The following ZNF584 variants were observed in gnomAD, a reference collection of about 807,000 sequenced individuals.
ZNF584 encodes the protein zinc finger protein 584.
A neutral mutation model predicts 14.7 loss-of-function variants in ZNF584; 12 were observed. That is an observed-to-expected ratio of 0.82 (90% CI 0.52 to 1.32). ZNF584 has a LOEUF of 1.32. Ranked by LOEUF, ZNF584 falls within the 40% of genes most tolerant of loss-of-function variation. ZNF584 has a pLI of 0.00. For missense variants in ZNF584, 478 were observed against 518.8 expected (o/e 0.92, Z 0.76); for synonymous variants, 204 against 190.9 (o/e 1.07, Z -0.57).
Position 58,408,928 on chromosome 19 carries a change from C to CA in ZNF584, c.-219dup. On this transcript the variant is annotated 5_prime_UTR_variant, in exon 1 of 4. Transcript: ENST00000306910. ...CACCGGCGAGTGGCTCCATCTTCCT[C>CA]AGACTTATCGCTCGCGGACAGGCGC... The CA allele has an allele frequency of 2.0e-6, 1 of 489,590 alleles. No homozygotes were observed. The highest frequency in any genetic ancestry group is 3.5e-6 in the Non-Finnish European group (1 of 283,086). 30.3% of individuals were successfully genotyped at this position (489,590 alleles called of 1,614,324 possible). A position where few individuals can be genotyped will look rare whatever the true frequency, so the allele number is the denominator to read the frequency against.
Position 58,417,771 on chromosome 19 carries a change from T to C in ZNF584, c.1253T>C (p.Val418Ala). The C allele has an allele frequency of 6.2e-7, 1 of 1,605,710 alleles. No individual in the cohort carries two copies. The highest frequency in any genetic ancestry group is 8.5e-7 in the Non-Finnish European group (1 of 1,175,378). ...RRQEDRAHGKVVSC is the reference protein window; with the variant it reads ...RRQEDRAHGKAVSC ...CAGGAGGACAGGGCACATGGGAAGG[T>C]CGTTAGCTGCTAGCACCGTGTTCAT... Residue 418 changes from valine to alanine, a missense_variant, in exon 4 of 4, where the codon GTC (valine) becomes GCC (alanine). By Grantham distance (64) the Val-to-Ala change is moderately conservative. Coordinates refer to ENST00000306910, the MANE Select transcript of ZNF584 (RefSeq NM_173548.3).
chr19:58,401,693 G>A (rs1389227952), intron 1 of ZNF584: 5 of 150,748 alleles, frequency 3.3e-5, no homozygotes, highest in Non-Finnish European at 1.5e-5. Context: ...CAGTCCCTTC[G>A]AGCGCCCTCA....
chr19:58,410,778 A>ATTT (rs869150389), intron 2 of ZNF584, among the ~76,000 whole-genome samples: 363 of 8,936 alleles, frequency 0.041, 156 homozygotes, highest in Non-Finnish European at 0.045. Flanking sequence ...TATATATATA[A>ATTT]TTTTTTTTTT....
Position 58,410,542 on chromosome 19 carries a change from T to TTTTTTTTTTTTTTTTTTTTTTTTTAG in ZNF584, c.169+451_169+452insTTTTTTTTTTTTTTTTTTTTTTTTAG, listed in dbSNP as rs1568584343. On this transcript the variant is annotated intron_variant, in intron 2 of 3. Transcript: ENST00000306910. ...AAATATATATATATATATATATATATATATATATATATATATGTGTATATA... is the reference window on the plus strand; with the variant it reads ...AAATATATATATATATATATATATATTTTTTTTTTTTTTTTTTTTTTTTTAGATATATATATATATATGTGTATATA... 3.9e-4 allele frequency among the ~76,000 whole-genome samples: 6 copies of TTTTTTTTTTTTTTTTTTTTTTTTTAG among 15,382 alleles called. 2 individuals carry two copies. Among genetic ancestry groups the TTTTTTTTTTTTTTTTTTTTTTTTTAG allele is most frequent in the Admixed American group, 6.8e-4 (1 of 1,470 alleles). 10.1% of individuals were successfully genotyped at this position (15,382 alleles called of 152,430 possible). A position where few individuals can be genotyped will look rare whatever the true frequency, so the allele number is the denominator to read the frequency against.
chr19:58,417,618 C>T lies in ZNF584; in HGVS notation c.1100C>T (p.Ser367Phe), dbSNP rs916596329. 6.2e-7 allele frequency: 1 copy of T among 1,614,040 alleles called. No homozygotes were observed. Among genetic ancestry groups the T allele is most frequent in the Admixed American group, 1.7e-5 (1 of 59,994 alleles). ...TGTGGGAAAACCTTCACTACCAGAT[C>T]CTACCGCAATCGGCACCAGCAGTTC... ...SLCGKTFTTR[S>F]YRNRHQQFHT... Residue 367 changes from serine (S) to phenylalanine (F), a missense_variant, in exon 4 of 4, where the codon TCC (serine) becomes TTC (phenylalanine). Coordinates refer to ENST00000306910, the MANE Select transcript of ZNF584 (RefSeq NM_173548.3).
chr19:58,413,150 A>G (rs2052597281), intron 2 of ZNF584, among the ~76,000 whole-genome samples: 1 of 151,614 alleles, frequency 6.6e-6, no homozygotes, highest in African/African-American at 2.4e-5. Flanking sequence ...TTCTGCTCTA[A>G]TTTTTATTAT....
chr19:58,415,011 G>C (rs572288836), intron 2 of ZNF584, among the ~76,000 whole-genome samples: 78 of 152,048 alleles, frequency 5.1e-4, no homozygotes, highest in African/African-American at 1.8e-3. Context: ...TCCTGCCTAA[G>C]CCTCCCGAGT....
In ZNF584 at chr19:58,410,561, G is replaced by GTGTA. The variant is rs1555785552; in HGVS notation, c.169+471_169+472insGTAT. Among the ~76,000 whole-genome samples, 2 of 20,450 alleles carry GTGTA rather than the reference G, an allele frequency of 9.8e-5. 1 individual carries two copies. Among genetic ancestry groups the GTGTA allele is most frequent in the Admixed American group, 8.8e-4 (2 of 2,260 alleles). 13.4% of individuals were successfully genotyped at this position (20,450 alleles called of 152,430 possible). ...TATATATATATATATATATATATGT[G>GTGTA]TATATATATATGTATATATATGTAT... is the stretch of plus-strand genomic sequence containing the variant. On this transcript the variant is annotated intron_variant, in intron 2 of 3. Transcript: ENST00000306910.
At chr19:58,403,005 G>A (rs907178983) in intron 1 of ZNF584, among the ~76,000 whole-genome samples, 1 of 152,116 alleles carries the variant, frequency 6.6e-6, no homozygotes, top group African/African-American at 2.4e-5. Context: ...TGGCTACAAT[G>A]CAAAACACTG....
chr19:58,414,407 C>T (rs960180963), intron 2 of ZNF584, among the ~76,000 whole-genome samples: 9 of 151,956 alleles, frequency 5.9e-5, no homozygotes, highest in African/African-American at 1.5e-4. Flanking sequence ...GGCGCGATCT[C>T]AGCTCACTGC....
chr19:58,405,145 A>G (rs1280401219), upstream of ZNF584: 1 of 138,994 alleles, frequency 7.2e-6, no homozygotes, highest in African/African-American at 2.8e-5. Flanking sequence ...CACCTCCCGG[A>G]CGGGGCGGCT....
intron 2 of ZNF584, among the ~76,000 whole-genome samples, chr19:58,410,777 AATTTTTT>A (rs1246207330): frequency 2.5e-4 from 2 of 8,078 alleles, no homozygotes; most frequent in Admixed American, 9.9e-4. Flanking sequence ...ATATATATAT[AATTTTTT>A]TTTTTTTTTT....
chr19:58,410,193 C>T, intron 2 of ZNF584, 102 bp downstream of exon 2: 1 of 1,406,100 alleles, frequency 7.1e-7, no homozygotes, highest in Non-Finnish European at 9.5e-7. Flanking sequence ...CTCTTTCCTT[C>T]CCAGATTCCC....
chr19:58,410,567 A>T (rs1389489978), intron 2 of ZNF584, among the ~76,000 whole-genome samples: 1 of 6,476 alleles, frequency 1.5e-4, no homozygotes, highest in African/African-American at 8.1e-4. Flanking sequence ...ATGTGTATAT[A>T]TATATGTATA....
At chr19:58,402,474 A>C (rs775914239) in intron 1 of ZNF584, among the ~76,000 whole-genome samples, 1 of 152,248 alleles carries the variant, frequency 6.6e-6, no homozygotes, top group Non-Finnish European at 1.5e-5. Flanking sequence ...CTTTCAAAAC[A>C]TAACAGATTT....
Position 58,417,143 on chromosome 19 carries a change from A to C in ZNF584, c.625A>C (p.Thr209Pro). The C allele has an allele frequency of 2.5e-6, 4 of 1,613,746 alleles. No homozygotes were observed. Among genetic ancestry groups the C allele is most frequent in the Non-Finnish European group, 3.4e-6 (4 of 1,179,702 alleles). Residue 209 changes from threonine (T) to proline (P), a missense_variant, in exon 4 of 4, where the codon ACT (threonine) becomes CCT (proline). Thr to Pro is a conservative substitution (Grantham distance 38). Transcript: ENST00000306910. ...SAHINPRKIHTGETAHVCNEC... is the reference protein window; with the variant it reads ...SAHINPRKIHPGETAHVCNEC... Reference sequence around the variant, plus strand: ...TCATATTAACCCCCGAAAAATTCACACTGGAGAAACAGCCCATGTGTGTAA... The same window carrying C: ...TCATATTAACCCCCGAAAAATTCACCCTGGAGAAACAGCCCATGTGTGTAA...
chr19:58,416,733 G>C, intron 3 of ZNF584, 78 bp from the exon 4 acceptor site: 4 of 1,493,464 alleles, frequency 2.7e-6, no homozygotes, highest in Non-Finnish European at 3.6e-6. Context: ...CCTTCTGGGT[G>C]TGTCTGACAT....
intron 1 of ZNF584, among the ~76,000 whole-genome samples, chr19:58,402,806 A>G (rs2052440093): frequency 1.4e-5 from 2 of 146,940 alleles, no homozygotes; most frequent in Admixed American, 1.4e-4. Context: ...CCTGGGCAAC[A>G]AGAGCGAAAC....
upstream of ZNF584, chr19:58,408,577 C>T (rs1014565007): frequency 6.6e-6 from 1 of 152,404 alleles, no homozygotes; most frequent in Non-Finnish European, 1.5e-5. Context: ...TCTGAACGGC[C>T]CCACGTCGAG....
Sources: gnomAD v4.1 joint callset for allele counts (sites outside exome capture counted in the v4.1 genomes callset) on GRCh38, gnomAD v4.1.1 for gene constraint, MANE v1.5 for transcripts, NCBI Gene and HGNC (gene_info 2026-07-23, HGNC 2026-07-21) for gene names.